GRM7: variants seen among roughly 807,000 people sequenced by gnomAD.
GRM7 encodes metabotropic glutamate receptor 7.
Under a neutral mutation model 84.5 loss-of-function variants are expected in GRM7, and 35 were observed. The observed-to-expected ratio is 0.41, with a 90% CI of 0.32 to 0.55. The LOEUF is 0.55. Ranked by LOEUF, GRM7 falls within the 20% of genes least tolerant of loss-of-function variation. The probability of loss-of-function intolerance (pLI) is 0.19; values close to 1 mark genes in which losing one functional copy is unlikely to be tolerated. For missense variants in GRM7, 1,003 were observed against 1,194.6 expected (o/e 0.84, Z 2.36); for synonymous variants, 487 against 455.1 (o/e 1.07, Z -0.89).
At chr3:7,288,469 C>G (rs1699506822) in intron 2 of GRM7, among the ~76,000 whole-genome samples, 1 of 152,080 alleles carries the variant, frequency 6.6e-6, no homozygotes, top group Non-Finnish European at 1.5e-5. Context: ...GGTCATGTTT[C>G]TCAATTTTTG....
At chr3:6,888,156 G>A (rs1422235153) in intron 1 of GRM7, among the ~76,000 whole-genome samples, 15 of 151,980 alleles carry the variant, frequency 9.9e-5, no homozygotes, top group African/African-American at 2.2e-4. Context: ...AGTAGGTTGC[G>A]AAAATTTTCT....
Position 7,680,321 on chromosome 3 carries a change from C to A in GRM7, c.2698+26C>A, listed in dbSNP as rs377686245. 6 of 1,610,942 alleles carry A rather than the reference C, an allele frequency of 3.7e-6. No individual in the cohort carries two copies. The South Asian group carries it at 5.5e-5, about 15-fold the overall frequency. On this transcript the variant is annotated intron_variant, in intron 9 of 9. Coordinates refer to ENST00000357716, the MANE Select transcript of GRM7 (RefSeq NM_000844.4). ...GTAAGTAACTCTCCGTTTCTTTCAT[C>A]TTCCCACCCTGCATCAGGAAGCTCT...
chr3:7,542,407 G>A (rs1377767223), intron 7 of GRM7, among the ~76,000 whole-genome samples: 1 of 152,066 alleles, frequency 6.6e-6, no homozygotes, highest in East Asian at 1.9e-4. Context: ...ACTTCCTATA[G>A]CCTGCTCCCT....
At chr3:7,306,315 C>A (rs1448695432) in intron 3 of GRM7, among the ~76,000 whole-genome samples, 183 bp from the exon 4 acceptor site, 3 of 152,056 alleles carry the variant, frequency 2.0e-5, no homozygotes, top group East Asian at 3.9e-4. Context: ...TCTGAAGATG[C>A]TTTTTCATTA....
intron 2 of GRM7, among the ~76,000 whole-genome samples, chr3:7,293,611 A>T (rs903553285): frequency 3.3e-5 from 5 of 152,208 alleles, no homozygotes; most frequent in African/African-American, 1.2e-4. Flanking sequence ...AACGGGCAGC[A>T]TCAAACTCTG....
At chr3:6,931,154 C>A (rs1697485290) in intron 1 of GRM7, among the ~76,000 whole-genome samples, 1 of 152,170 alleles carries the variant, frequency 6.6e-6, no homozygotes, top group African/African-American at 2.4e-5. Flanking sequence ...AAAATATGAA[C>A]CACTTAAATC....
intron 1 of GRM7, among the ~76,000 whole-genome samples, chr3:7,046,788 A>G (rs1391586254): frequency 1.3e-5 from 2 of 152,236 alleles, no homozygotes; most frequent in East Asian, 1.9e-4. Context: ...TTTCTGGAAA[A>G]GAGAATGTCA....
At chr3:7,642,824 T>C (rs1288123163) in intron 8 of GRM7, among the ~76,000 whole-genome samples, 3 of 152,140 alleles carry the variant, frequency 2.0e-5, no homozygotes, top group Non-Finnish European at 2.9e-5. Flanking sequence ...AAAATCTGTT[T>C]CTCATGTATG....
At chr3:7,497,876 T>C (rs75232716) in intron 7 of GRM7, among the ~76,000 whole-genome samples, 5,544 of 152,244 alleles carry the variant, frequency 0.036, 154 homozygotes, top group Non-Finnish European at 0.057. Flanking sequence ...ACTGTAAAGA[T>C]TAAAGATCAT....
At chr3:6,908,271 G>C (rs6772656) in intron 1 of GRM7, among the ~76,000 whole-genome samples, 9,850 of 152,244 alleles carry the variant, frequency 0.065, 432 homozygotes, top group Middle Eastern at 0.13. Context: ...ACAACAATCT[G>C]CTTACGCGGT....
intron 1 of GRM7, among the ~76,000 whole-genome samples, chr3:7,145,970 C>T (rs549078744): frequency 2.0e-5 from 3 of 152,280 alleles, no homozygotes; most frequent in African/African-American, 7.2e-5. Context: ...TTGTGACTTA[C>T]TTAGCTATTT....
chr3:7,414,966 T>C (rs1696100640), intron 4 of GRM7, 57 bp from the exon 5 acceptor site: 1 of 1,413,406 alleles, frequency 7.1e-7, no homozygotes, highest in East Asian at 2.4e-5. Flanking sequence ...TATTTTTATT[T>C]CTGAATGTGC....
intron 4 of GRM7, among the ~76,000 whole-genome samples, chr3:7,316,791 T>C (rs1435258961): frequency 6.6e-6 from 1 of 152,148 alleles, no homozygotes; most frequent in Non-Finnish European, 1.5e-5. Flanking sequence ...AGCAACCGGA[T>C]ACATAAGCCT....
In GRM7 at chr3:7,483,426, AAC is replaced by A. The variant is rs1266964274; in HGVS notation, c.1515+21706_1515+21707del. On this transcript the variant is annotated intron_variant, in intron 7 of 9. Coordinates refer to ENST00000357716, the MANE Select transcript of GRM7 (RefSeq NM_000844.4). ...GAACTTGTTGGAAGGAACAGAAAGC[AAC>A]AGAGGAGCAGAACCCTCGAGGCCTG... Among the ~76,000 whole-genome samples, 8 of 152,306 alleles carry A rather than the reference AAC, an allele frequency of 5.3e-5. No homozygotes were observed. In the South Asian group the frequency reaches 1.7e-3, roughly 32 times the overall value.
intron 4 of GRM7, among the ~76,000 whole-genome samples, chr3:7,321,700 A>C (rs892007771): frequency 2.6e-5 from 4 of 151,762 alleles, no homozygotes; most frequent in Admixed American, 2.0e-4. Context: ...TTCTAACCTC[A>C]GGGAATTTGC....
chr3:7,047,728 C>G (rs569758403), intron 1 of GRM7, among the ~76,000 whole-genome samples: 30 of 152,168 alleles, frequency 2.0e-4, no homozygotes, highest in African/African-American at 7.0e-4. Context: ...AACAGGAAGA[C>G]CTCGATAGAA....
chr3:7,203,040 G>A (rs900755784), intron 2 of GRM7, among the ~76,000 whole-genome samples: 2 of 152,130 alleles, frequency 1.3e-5, no homozygotes, highest in Non-Finnish European at 2.9e-5. Flanking sequence ...ATCACCTTTC[G>A]TCATTTCTAT....
intron 9 of GRM7, among the ~76,000 whole-genome samples, chr3:7,714,579 T>C (rs1386321388): frequency 6.6e-6 from 1 of 152,176 alleles, no homozygotes; most frequent in Non-Finnish European, 1.5e-5. Flanking sequence ...TCTAGCAAGA[T>C]CCCCAGGTGA....
At chr3:7,242,078 G>A (rs1001022075) in intron 2 of GRM7, among the ~76,000 whole-genome samples, 7 of 152,146 alleles carry the variant, frequency 4.6e-5, no homozygotes, top group Admixed American at 2.6e-4. Context: ...CAACTGAGGT[G>A]TTAACTTATA....
Sources: allele counts gnomAD v4.1 joint callset (sites outside exome capture counted in the v4.1 genomes callset), GRCh38; gene constraint gnomAD v4.1.1; transcripts MANE v1.5; gene names NCBI Gene and HGNC (gene_info 2026-07-23, HGNC 2026-07-21).